The following NRXN3 variants were observed in gnomAD, a reference collection of about 807,000 sequenced individuals.
NRXN3 encodes the protein neurexin 3, also known as neurexin III.
A neutral mutation model predicts 137.6 loss-of-function variants in NRXN3; 32 were observed. The observed-to-expected ratio is 0.23, with a 90% confidence interval of 0.18 to 0.31. The LOEUF (loss-of-function observed/expected upper bound fraction) is 0.31. NRXN3 is among the 10% of genes least tolerant of loss of function. NRXN3 has a pLI of 1.00. For missense variants in NRXN3, 1,574 were observed against 2,062.5 expected (o/e 0.76, Z 4.59); for synonymous variants, 798 against 784.5 (o/e 1.02, Z -0.29).
intron 10 of NRXN3, among the ~76,000 whole-genome samples, chr14:78,955,730 G>C (rs1018753038): frequency 1.3e-5 from 2 of 152,106 alleles, no homozygotes; most frequent in African/African-American, 4.8e-5. Context: ...CAAGAGGAGA[G>C]TTCCTCCAAA....
intron 4 of NRXN3, among the ~76,000 whole-genome samples, chr14:78,578,696 T>C (rs561294084): frequency 6.6e-6 from 1 of 152,284 alleles, no homozygotes; most frequent in South Asian, 2.1e-4. Context: ...TTGAGTATAT[T>C]GTTCTGATCT....
chr14:78,874,355 T>C (rs2099108612), intron 10 of NRXN3, among the ~76,000 whole-genome samples: 1 of 152,198 alleles, frequency 6.6e-6, no homozygotes, highest in Non-Finnish European at 1.5e-5. Flanking sequence ...TCTTTTACAT[T>C]GTCGTAAGTA....
At chr14:79,270,633 A>G (rs1441038108) in intron 15 of NRXN3, among the ~76,000 whole-genome samples, 3 of 152,190 alleles carry the variant, frequency 2.0e-5, no homozygotes, top group African/African-American at 7.2e-5. Flanking sequence ...GATATAAATC[A>G]ACTGATAATA....
chr14:78,864,501 G>A (rs1306473100), intron 10 of NRXN3, among the ~76,000 whole-genome samples: 1 of 152,002 alleles, frequency 6.6e-6, no homozygotes, highest in Non-Finnish European at 1.5e-5. Flanking sequence ...TATCCTTTCG[G>A]TGCTTCACCT....
intron 19 of NRXN3, among the ~76,000 whole-genome samples, chr14:79,737,707 G>T (rs945560486): frequency 6.7e-6 from 1 of 149,650 alleles, no homozygotes; most frequent in Admixed American, 6.8e-5. Flanking sequence ...TCACATCATG[G>T]TGTGGCATTC....
intron 19 of NRXN3, 152 bp downstream of exon 19, chr14:79,698,089 A>G: frequency 1.4e-6 from 1 of 716,362 alleles, no homozygotes; most frequent in Non-Finnish European, 2.2e-6. Context: ...GGAGAAGAGA[A>G]AGGTGAAGTC....
intron 4 of NRXN3, among the ~76,000 whole-genome samples, chr14:78,370,801 T>C (rs952374031): frequency 1.3e-5 from 2 of 152,224 alleles, no homozygotes; most frequent in South Asian, 2.1e-4. Context: ...AAGATTGAAC[T>C]TCACTGTAAG....
intron 4 of NRXN3, among the ~76,000 whole-genome samples, chr14:78,400,406 A>G (rs1021877517): frequency 1.3e-5 from 2 of 152,154 alleles, no homozygotes; most frequent in South Asian, 2.1e-4. Flanking sequence ...ATAGGCAACT[A>G]TTTTCTCTTC....
chr14:78,999,054 G>A (rs959523897), intron 15 of NRXN3, among the ~76,000 whole-genome samples: 1 of 152,098 alleles, frequency 6.6e-6, no homozygotes, highest in African/African-American at 2.4e-5. Flanking sequence ...ACTGATTCAT[G>A]TCCCTTTGCC....
chr14:79,682,643 C>T (rs893446171), intron 17 of NRXN3, among the ~76,000 whole-genome samples: 1 of 152,106 alleles, frequency 6.6e-6, no homozygotes, highest in Non-Finnish European at 1.5e-5. Context: ...CTGATGCTTG[C>T]TTGTTGCTAG....
chr14:78,277,021 G>T (rs541275253), intron 2 of NRXN3, among the ~76,000 whole-genome samples: 1 of 152,120 alleles, frequency 6.6e-6, no homozygotes, highest in South Asian at 2.1e-4. Context: ...CTGAAGGGGC[G>T]GTGTGGCTGA....
chr14:78,872,771 C>T (rs1490546247), intron 10 of NRXN3, among the ~76,000 whole-genome samples: 3 of 152,026 alleles, frequency 2.0e-5, no homozygotes, highest in South Asian at 2.1e-4. Flanking sequence ...AGTTTTCTCT[C>T]TGTGCGTTTT....
At chr14:78,675,188 C>A (rs1251636242) in intron 6 of NRXN3, among the ~76,000 whole-genome samples, 1 of 152,150 alleles carries the variant, frequency 6.6e-6, no homozygotes, top group Non-Finnish European at 1.5e-5. Context: ...AATTGGGAGG[C>A]TTTTTCTTTG....
rs1416437625 is a variant in NRXN3, at chr14:78,820,470, G to C, written c.2275+10126G>C. Among the ~76,000 whole-genome samples the C allele has an allele frequency of 2.7e-5, 4 of 145,708 alleles. No individual in the cohort carries two copies. In the Admixed American group the frequency reaches 2.8e-4, roughly 10 times the overall value. On this transcript the variant is annotated intron_variant, in intron 10 of 20. Coordinates refer to ENST00000335750, the MANE Select transcript of NRXN3 (RefSeq NM_001330195.2). ...AATGGAGTAATTTTCTGGCTGTTCT[G>C]TTGACTTACTAGAATCACATAGCTT...
chr14:78,284,750 C>T (rs1262190983), intron 3 of NRXN3, among the ~76,000 whole-genome samples: 1 of 152,156 alleles, frequency 6.6e-6, no homozygotes, highest in Non-Finnish European at 1.5e-5. Flanking sequence ...CTCATATTCT[C>T]TCCCATCTGT....
chr14:78,632,965 G>C (rs1349639699), intron 4 of NRXN3, among the ~76,000 whole-genome samples: 1 of 152,086 alleles, frequency 6.6e-6, no homozygotes, highest in Non-Finnish European at 1.5e-5. Context: ...GCTGGGCGTA[G>C]TGGCTCACGC....
At chr14:78,708,117 G>A (rs7140803) in intron 6 of NRXN3, among the ~76,000 whole-genome samples, 47,139 of 151,992 alleles carry the variant, frequency 0.31, 9,648 homozygotes, top group African/African-American at 0.59. Context: ...TTCTTTAAGG[G>A]ATCTCCACAC....
chr14:78,198,055 C>A (rs1470873307), intron 1 of NRXN3, among the ~76,000 whole-genome samples: 1 of 152,138 alleles, frequency 6.6e-6, no homozygotes, highest in Non-Finnish European at 1.5e-5. Flanking sequence ...ACGACCAGGC[C>A]CTGCTCTCCA....
chr14:79,286,756 G>A (rs2082337911), intron 15 of NRXN3, among the ~76,000 whole-genome samples: 1 of 151,914 alleles, frequency 6.6e-6, no homozygotes, highest in African/African-American at 2.4e-5. Flanking sequence ...GGAGGAAATA[G>A]CCTTCAACCT....
Sources: gnomAD v4.1 joint callset for allele counts (sites outside exome capture counted in the v4.1 genomes callset) on GRCh38, gnomAD v4.1.1 for gene constraint, MANE v1.5 for transcripts, NCBI Gene and HGNC (gene_info 2026-07-23, HGNC 2026-07-21) for gene names.